RBFOX1: variants seen among roughly 807,000 people sequenced by gnomAD.
The protein encoded by RBFOX1 is RNA binding fox-1 homolog 1, also known as RNA binding protein fox-1 homolog 1.
A neutral mutation model predicts 57.7 loss-of-function variants in RBFOX1; 8 were observed. The observed-to-expected ratio is 0.14, with a 90% CI of 0.08 to 0.25. RBFOX1 has a LOEUF of 0.25. RBFOX1 is among the 10% of genes least tolerant of loss of function. The pLI, the probability that RBFOX1 is intolerant of heterozygous loss-of-function variation, is 1.00. For missense variants in RBFOX1, 611 were observed against 548.5 expected (o/e 1.11, Z -1.14); for synonymous variants, 326 against 222.4 (o/e 1.47, Z -4.15).
intron 2 of RBFOX1, among the ~76,000 whole-genome samples, chr16:6,438,957 CT>C (rs1379595025): frequency 1.3e-5 from 2 of 152,172 alleles, no homozygotes; most frequent in African/African-American, 4.8e-5. Flanking sequence ...TGACATCTTC[CT>C]TTTGCATTGT....
chr16:5,920,910 A>G (rs1056931986), intron 4 of RBFOX1, among the ~76,000 whole-genome samples: 16 of 151,984 alleles, frequency 1.1e-4, no homozygotes, highest in African/African-American at 3.6e-4. Context: ...GTCTATTTGT[A>G]CGTGCAGTGG....
At chr16:5,513,998 A>T (rs995617605) in intron 2 of RBFOX1, among the ~76,000 whole-genome samples, 2 of 152,246 alleles carry the variant, frequency 1.3e-5, no homozygotes, top group Non-Finnish European at 2.9e-5. Flanking sequence ...TGTCATGTAT[A>T]TAAATTATTT....
chr16:6,937,497 A>G (rs1355651095), intron 3 of RBFOX1, among the ~76,000 whole-genome samples: 1 of 152,156 alleles, frequency 6.6e-6, no homozygotes, highest in East Asian at 1.9e-4. Flanking sequence ...TGAGTGACAT[A>G]GGAGTGACAC....
At chr16:7,205,506 C>G (rs1023198251) in intron 4 of RBFOX1, among the ~76,000 whole-genome samples, 3 of 144,396 alleles carry the variant, frequency 2.1e-5, no homozygotes, top group African/African-American at 7.9e-5. Context: ...GAGTGAGACT[C>G]TGTCTCAGGA....
chr16:6,866,188 C>G (rs890568677), intron 3 of RBFOX1, among the ~76,000 whole-genome samples: 3 of 152,098 alleles, frequency 2.0e-5, no homozygotes, highest in Admixed American at 2.0e-4. Flanking sequence ...CTCACCTTAT[C>G]TCTGGTAGTT....
chr16:5,771,222 G>A (rs1020386205), intron 3 of RBFOX1, among the ~76,000 whole-genome samples: 1 of 152,238 alleles, frequency 6.6e-6, no homozygotes, highest in Non-Finnish European at 1.5e-5. Flanking sequence ...TGGACTGCTC[G>A]CTAGGTGCGA....
intron 3 of RBFOX1, among the ~76,000 whole-genome samples, chr16:6,813,761 C>A (rs1287747353): frequency 6.6e-6 from 1 of 152,200 alleles, no homozygotes; most frequent in African/African-American, 2.4e-5. Flanking sequence ...CCTGGGCATG[C>A]CAATGGCAGC....
At chr16:5,831,899 C>T in intron 3 of RBFOX1, among the ~76,000 whole-genome samples, 1 of 152,118 alleles carries the variant, frequency 6.6e-6, no homozygotes, top group Non-Finnish European at 1.5e-5. Flanking sequence ...ATCTTGGTCA[C>T]CCCAAGTTTC....
intron 3 of RBFOX1, among the ~76,000 whole-genome samples, chr16:6,979,059 G>C (rs990790759): frequency 1.3e-5 from 2 of 152,284 alleles, no homozygotes; most frequent in South Asian, 2.1e-4. Flanking sequence ...ATGAAAGCTA[G>C]AGAGAATCTG....
chr16:6,382,865 A>G (rs2091940622), intron 2 of RBFOX1, among the ~76,000 whole-genome samples: 1 of 152,196 alleles, frequency 6.6e-6, no homozygotes, highest in South Asian at 2.1e-4. Flanking sequence ...GTCTCAAAAA[A>G]GAAAATGCTT....
intron 3 of RBFOX1, among the ~76,000 whole-genome samples, chr16:5,688,915 A>G (rs2050586965): frequency 6.6e-6 from 1 of 152,110 alleles, no homozygotes; most frequent in African/African-American, 2.4e-5. Flanking sequence ...CAGTCTCTAG[A>G]TTAACTATGG....
intron 3 of RBFOX1, among the ~76,000 whole-genome samples, chr16:5,739,771 A>T (rs971881438): frequency 6.6e-6 from 1 of 152,242 alleles, no homozygotes; most frequent in Non-Finnish European, 1.5e-5. Context: ...AAAACAGGGG[A>T]GCCACTGCCC....
chr16:6,881,747 A>G (rs2062980666), intron 3 of RBFOX1, among the ~76,000 whole-genome samples: 1 of 152,220 alleles, frequency 6.6e-6, no homozygotes, highest in Non-Finnish European at 1.5e-5. Flanking sequence ...GGTGCCTACC[A>G]TGAGCCAGGC....
intron 2 of RBFOX1, among the ~76,000 whole-genome samples, chr16:6,421,983 C>T (rs2093786965): frequency 1.4e-5 from 2 of 139,090 alleles, no homozygotes; most frequent in African/African-American, 2.8e-5. Context: ...TGCAGTGGTG[C>T]TATCTCGGCT....
At chr16:5,856,327 C>A in intron 3 of RBFOX1, among the ~76,000 whole-genome samples, 1 of 34,256 alleles carries the variant, frequency 2.9e-5, no homozygotes, top group Non-Finnish European at 6.4e-5. Flanking sequence ...ATAGGGAAAA[C>A]TGTTATATTA....
At chr16:7,080,016 A>C (rs547590756) in intron 4 of RBFOX1, among the ~76,000 whole-genome samples, 17 of 138,838 alleles carry the variant, frequency 1.2e-4, no homozygotes, top group East Asian at 4.1e-4. Flanking sequence ...ATATATACAT[A>C]TATATACGTA....
chr16:6,903,454 C>A (rs991673185), intron 3 of RBFOX1, among the ~76,000 whole-genome samples: 1 of 152,202 alleles, frequency 6.6e-6, no homozygotes, highest in East Asian at 1.9e-4. Context: ...CATTGCTTAT[C>A]TGTCTTTGAA....
chr16:7,489,629 C>T (rs769783637), intron 4 of RBFOX1, among the ~76,000 whole-genome samples: 6 of 151,896 alleles, frequency 4.0e-5, no homozygotes, highest in African/African-American at 9.7e-5. Flanking sequence ...AATCCTCCAA[C>T]GTCAGTCTCC....
intron 3 of RBFOX1, among the ~76,000 whole-genome samples, chr16:5,615,289 C>T (rs927539892): frequency 1.3e-5 from 2 of 152,120 alleles, no homozygotes. Context: ...CCTTGGCCTC[C>T]CAAAGCACTG....
Sources: gnomAD v4.1 joint callset for allele counts (sites outside exome capture counted in the v4.1 genomes callset) on GRCh38, gnomAD v4.1.1 for gene constraint, MANE v1.5 for transcripts, NCBI Gene and HGNC (gene_info 2026-07-23, HGNC 2026-07-21) for gene names.